DPYSL5: variants seen among roughly 807,000 people sequenced by gnomAD.
DPYSL5 encodes dihydropyrimidinase like 5.
In DPYSL5, 9 loss-of-function variants were observed where a neutral mutation model predicts 58.4. The observed-to-expected ratio is 0.15, with a 90% CI of 0.09 to 0.27. The LOEUF (loss-of-function observed/expected upper bound fraction) is 0.27, where lower values mean the gene tolerates loss of function less well. Ranked by LOEUF, DPYSL5 falls within the 10% of genes least tolerant of loss-of-function variation. The probability of loss-of-function intolerance (pLI) is 1.00; values close to 1 mark genes in which losing one functional copy is unlikely to be tolerated. For synonymous variants in DPYSL5, 293 were observed against 301.9 expected, an observed-to-expected ratio of 0.97 and a Z score of 0.31; for missense variants, 499 against 770.6, an observed-to-expected ratio of 0.65 and a Z score of 4.17.
intron 1 of DPYSL5, among the ~76,000 whole-genome samples, chr2:26,892,078 C>G (rs1018843225): frequency 6.6e-6 from 1 of 152,194 alleles, no homozygotes; most frequent in Non-Finnish European, 1.5e-5. Context: ...TAAAACTCAC[C>G]TGGAAACCTT....
intron 1 of DPYSL5, 139 bp downstream of exon 1, chr2:26,848,393 G>A (rs902648618): frequency 5.2e-5 from 8 of 152,538 alleles, no homozygotes; most frequent in Admixed American, 1.3e-4. Flanking sequence ...GGGACGCGGC[G>A]GGAGGTGTGG....
chr2:26,931,205 A>G (rs13422509), intron 5 of DPYSL5, among the ~76,000 whole-genome samples: 18,195 of 57,908 alleles, frequency 0.31, 2,659 homozygotes, highest in Admixed American at 0.4. Flanking sequence ...GTGTGTGTGT[A>G]TATATATATA....
intron 1 of DPYSL5, among the ~76,000 whole-genome samples, chr2:26,869,331 A>T (rs902401547): frequency 1.3e-5 from 2 of 152,166 alleles, no homozygotes; most frequent in African/African-American, 4.8e-5. Flanking sequence ...ACATACTATA[A>T]CATTACTTGC....
intron 5 of DPYSL5, among the ~76,000 whole-genome samples, chr2:26,931,165 A>G (rs1572713935): frequency 7.9e-5 from 4 of 50,378 alleles, no homozygotes; most frequent in East Asian, 4.5e-4. Context: ...ATATATATAT[A>G]TATATGTGTG....
intron 1 of DPYSL5, among the ~76,000 whole-genome samples, chr2:26,876,723 C>T (rs1487529605): frequency 2.0e-5 from 3 of 151,978 alleles, no homozygotes; most frequent in Admixed American, 6.6e-5. Flanking sequence ...ACCCTATTGG[C>T]CAGGCTGGTC....
chr2:26,867,863 G>T (rs1572676584), intron 1 of DPYSL5, among the ~76,000 whole-genome samples: 1 of 152,148 alleles, frequency 6.6e-6, no homozygotes, highest in African/African-American at 2.4e-5. Context: ...TAGGGGTGAG[G>T]TGCTGGGTCA....
rs1664770337 is a variant in DPYSL5, at chr2:26,924,190, G to T, written c.262-697G>T. Among the ~76,000 whole-genome samples, 4 of 152,278 alleles carry T rather than the reference G, an allele frequency of 2.6e-5. 1 individual carries two copies. The South Asian group carries it at 8.3e-4, about 32-fold the overall frequency. The stretch of plus-strand genomic sequence containing the variant: ...TTTCTTTTTAAAGTGGTATCTTGCG[G>T]AGTTGTGAATAGGATCCGTTTTCAC... On this transcript the variant is annotated intron_variant, in intron 2 of 12. Transcript: ENST00000288699. The surrounding 1 kb of genome is among the most constrained non-coding windows in gnomAD (Gnocchi z 4.7).
intron 1 of DPYSL5, among the ~76,000 whole-genome samples, chr2:26,892,451 C>G (rs1357368532): frequency 1.3e-5 from 2 of 152,174 alleles, no homozygotes; most frequent in Non-Finnish European, 2.9e-5. Context: ...GCAAACCCAT[C>G]TTGTCATTTA....
chr2:26,914,355 G>A lies in DPYSL5; in HGVS notation c.262-10532G>A, dbSNP rs911371537. Among the ~76,000 whole-genome samples the A allele has an allele frequency of 2.6e-5, 4 of 152,318 alleles. No homozygotes were observed. The East Asian group carries it at 5.8e-4, about 22-fold the overall frequency. ...ATCCAAGAGCCTTCTATAAGGGAGCGCCCCCTTGCTGCTTTGAAGCCCTCC... is the reference window on the plus strand; with the variant it reads ...ATCCAAGAGCCTTCTATAAGGGAGCACCCCCTTGCTGCTTTGAAGCCCTCC... On this transcript the variant is annotated intron_variant, in intron 2 of 12. Transcript: ENST00000288699.
At chr2:26,891,303 T>C (rs551852868) in intron 1 of DPYSL5, among the ~76,000 whole-genome samples, 1 of 152,216 alleles carries the variant, frequency 6.6e-6, no homozygotes, top group East Asian at 1.9e-4. Flanking sequence ...TCCTTTAAGT[T>C]CTGAGAATGA....
intron 1 of DPYSL5, among the ~76,000 whole-genome samples, chr2:26,885,778 T>A (rs1281460545): frequency 3.3e-5 from 5 of 152,160 alleles, no homozygotes; most frequent in African/African-American, 1.2e-4. Flanking sequence ...GAGGCCCAGA[T>A]GGAAGAAAGG....
intron 1 of DPYSL5, among the ~76,000 whole-genome samples, chr2:26,876,952 C>G (rs931740575): frequency 4.7e-5 from 7 of 149,776 alleles, no homozygotes; most frequent in Non-Finnish European, 8.9e-5. Flanking sequence ...GTTACTGATT[C>G]CACAGCCACT....
intron 1 of DPYSL5, among the ~76,000 whole-genome samples, chr2:26,881,161 C>T (rs1157290566): frequency 6.6e-6 from 1 of 152,168 alleles, no homozygotes; most frequent in African/African-American, 2.4e-5. Context: ...CCTGTGCTCA[C>T]CCTGCGGCCC....
chr2:26,936,305 G>C (rs1992312), intron 8 of DPYSL5, among the ~76,000 whole-genome samples: 146,504 of 152,232 alleles, frequency 0.96, 70,771 homozygotes, highest in East Asian at 1. Context: ...GAAGATGGCT[G>C]TCTTAGATAA....
intron 8 of DPYSL5, among the ~76,000 whole-genome samples, chr2:26,937,336 A>T (rs1665206252): frequency 6.6e-6 from 1 of 152,144 alleles, no homozygotes; most frequent in Non-Finnish European, 1.5e-5. Flanking sequence ...TCCCTTTTTA[A>T]TCAGTGCATA....
chr2:26,890,188 G>C (rs543064251), intron 1 of DPYSL5, among the ~76,000 whole-genome samples: 1 of 152,258 alleles, frequency 6.6e-6, no homozygotes, highest in South Asian at 2.1e-4. Context: ...CTTTAGGCAA[G>C]AAGTGTCCCC....
At chr2:26,853,358 G>T (rs1240780333) in intron 1 of DPYSL5, among the ~76,000 whole-genome samples, 1 of 152,142 alleles carries the variant, frequency 6.6e-6, no homozygotes, top group Admixed American at 6.5e-5. Context: ...ACAGAATTTT[G>T]TGCAACTTGG....
At chr2:26,922,597 C>G (rs1335099200) in intron 2 of DPYSL5, among the ~76,000 whole-genome samples, 1 of 152,118 alleles carries the variant, frequency 6.6e-6, no homozygotes, top group Non-Finnish European at 1.5e-5. Flanking sequence ...TTTTCCTATC[C>G]AAGCCTGCAG....
At chr2:26,857,038 A>T (rs1309429932) in intron 1 of DPYSL5, among the ~76,000 whole-genome samples, 1 of 149,184 alleles carries the variant, frequency 6.7e-6, no homozygotes, top group Admixed American at 6.6e-5. Context: ...CGTCTACCTT[A>T]GTCTTGCTAC....
Sources: gnomAD v4.1 joint callset for allele counts (sites outside exome capture counted in the v4.1 genomes callset) on GRCh38, gnomAD v4.1.1 for gene constraint, Gnocchi (gnomAD v3.1) non-coding constraint, MANE v1.5 for transcripts, NCBI Gene and HGNC (gene_info 2026-07-23, HGNC 2026-07-21) for gene names.